The following EPB41L4B variants were observed in gnomAD, a reference collection of about 807,000 sequenced individuals.
EPB41L4B encodes the protein erythrocyte membrane protein band 4.1 like 4B.
In EPB41L4B, 30 loss-of-function variants were observed where a neutral mutation model predicts 112.5. The observed-to-expected ratio is 0.27, with a 90% CI of 0.20 to 0.36. The LOEUF (loss-of-function observed/expected upper bound fraction) is 0.36. Ranked by LOEUF, EPB41L4B falls within the 10% of genes least tolerant of loss-of-function variation. EPB41L4B has a pLI of 1.00. For missense variants in EPB41L4B, 1,024 were observed against 1,133.3 expected (o/e 0.90, Z 1.38); for synonymous variants, 408 against 439.7 (o/e 0.93, Z 0.90).
chr9:109,256,636 A>C (rs1427470328), intron 7 of EPB41L4B, among the ~76,000 whole-genome samples, 156 bp from the exon 8 acceptor site: 1 of 152,254 alleles, frequency 6.6e-6, no homozygotes, highest in East Asian at 1.9e-4. Flanking sequence ...CCTTACTGTT[A>C]ATTGACTAGA....
At chr9:109,269,836 G>A (rs536222890) in intron 2 of EPB41L4B, among the ~76,000 whole-genome samples, 4 of 152,210 alleles carry the variant, frequency 2.6e-5, no homozygotes, top group Non-Finnish European at 4.4e-5. Context: ...AACAAGGAGC[G>A]GCAGGACCCA....
intron 2 of EPB41L4B, among the ~76,000 whole-genome samples, chr9:109,272,107 C>G (rs573533214): frequency 1.5e-4 from 23 of 152,260 alleles, no homozygotes; most frequent in African/African-American, 4.3e-4. Context: ...ACCATTAAGT[C>G]TGAGTGACGA....
chr9:109,233,215 C>G (rs1460000633), intron 15 of EPB41L4B, among the ~76,000 whole-genome samples: 1 of 152,184 alleles, frequency 6.6e-6, no homozygotes, highest in Non-Finnish European at 1.5e-5. Flanking sequence ...AATTCTGCAG[C>G]CTTTCATCCA....
chr9:109,316,400 C>T (rs910854973), intron 1 of EPB41L4B, among the ~76,000 whole-genome samples: 2 of 152,214 alleles, frequency 1.3e-5, no homozygotes, highest in East Asian at 1.9e-4. Context: ...CGAGCAAAAG[C>T]GATGCCAGGG....
At chr9:109,304,705 G>GAAGCCATGGA (rs1837102762) in intron 1 of EPB41L4B, among the ~76,000 whole-genome samples, 1 of 152,148 alleles carries the variant, frequency 6.6e-6, no homozygotes, top group Non-Finnish European at 1.5e-5. Context: ...GGGTCAGAGT[G>GAAGCCATGGA]AAGCCATGGA....
intron 13 of EPB41L4B, among the ~76,000 whole-genome samples, chr9:109,249,003 G>A (rs1834665715): frequency 6.6e-6 from 1 of 150,474 alleles, no homozygotes; most frequent in African/African-American, 2.4e-5. Context: ...AGCTGGCAGT[G>A]AGCCGAGACT....
chr9:109,206,214 C>T lies in EPB41L4B; in HGVS notation c.1878+1710G>A, dbSNP rs185036545. Among the ~76,000 whole-genome samples, 308 of 152,242 alleles carry T rather than the reference C, an allele frequency of 2.0e-3. 3 individuals are homozygous for T. Among genetic ancestry groups the T allele is most frequent in the African/African-American group, 7.0e-3 (289 of 41,528 alleles). On this transcript the variant is annotated intron_variant, in intron 18 of 25. Coordinates refer to ENST00000374566, the MANE Select transcript of EPB41L4B (RefSeq NM_019114.5). The stretch of plus-strand genomic sequence containing the variant: ...GTTTATTTTTTGTGAGACGGAGTCT[C>T]GCTGTGTTGCCCAGGCTACAGTGCA...
chr9:109,304,188 T>C (rs531910844), intron 1 of EPB41L4B, among the ~76,000 whole-genome samples: 19 of 152,370 alleles, frequency 1.2e-4, no homozygotes, highest in African/African-American at 4.3e-4. Flanking sequence ...CTCAGAACTG[T>C]GTCTGGCACA....
At chr9:109,285,096 T>C (rs1400879725) in intron 1 of EPB41L4B, among the ~76,000 whole-genome samples, 1 of 152,254 alleles carries the variant, frequency 6.6e-6, no homozygotes, top group East Asian at 1.9e-4. Flanking sequence ...TCTGCCATGG[T>C]GCCCTGAATA....
intron 15 of EPB41L4B, among the ~76,000 whole-genome samples, chr9:109,236,102 T>C (rs142328109): frequency 6.6e-6 from 1 of 152,170 alleles, no homozygotes; most frequent in Non-Finnish European, 1.5e-5. Flanking sequence ...CAAACTTCCA[T>C]CTGTTTCCCA....
chr9:109,299,744 C>T (rs11792684), intron 1 of EPB41L4B, among the ~76,000 whole-genome samples: 101,441 of 152,014 alleles, frequency 0.67, 34,951 homozygotes, highest in African/African-American at 0.83. Context: ...CCTCACCCCT[C>T]GCAAAGTTCC....
chr9:109,273,596 G>A (rs1029075199), intron 2 of EPB41L4B, among the ~76,000 whole-genome samples: 2 of 152,212 alleles, frequency 1.3e-5, no homozygotes, highest in African/African-American at 2.4e-5. Flanking sequence ...CACCATGCAA[G>A]GAGGCAGAAG....
At chr9:109,297,771 T>C (rs904451626) in intron 1 of EPB41L4B, among the ~76,000 whole-genome samples, 3 of 152,256 alleles carry the variant, frequency 2.0e-5, no homozygotes, top group African/African-American at 7.2e-5. Context: ...AGGCACAGTC[T>C]TGAACCCCAA....
intron 22 of EPB41L4B, 68 bp from the exon 23 acceptor site, chr9:109,185,673 AG>A: frequency 8.2e-7 from 1 of 1,223,886 alleles, no homozygotes; most frequent in Non-Finnish European, 1.2e-6. Flanking sequence ...AAGAGGAGGT[AG>A]GGGAAGGGAA....
chr9:109,184,242 C>T (rs146545571), intron 23 of EPB41L4B, among the ~76,000 whole-genome samples: 29 of 152,280 alleles, frequency 1.9e-4, no homozygotes, highest in Admixed American at 1.4e-3. Flanking sequence ...TTTTTTGAGA[C>T]GGAGTCTCAC....
At chr9:109,279,149 T>G (rs1174864982) in intron 2 of EPB41L4B, among the ~76,000 whole-genome samples, 1 of 151,990 alleles carries the variant, frequency 6.6e-6, no homozygotes, top group Non-Finnish European at 1.5e-5. Flanking sequence ...CAGCCTCTTC[T>G]GCTGGTTAAA....
intron 18 of EPB41L4B, among the ~76,000 whole-genome samples, chr9:109,207,417 C>A (rs1477516861): frequency 6.6e-6 from 1 of 151,902 alleles, no homozygotes; most frequent in Non-Finnish European, 1.5e-5. Flanking sequence ...AAAAAAAATA[C>A]AAAAATTAGC....
chr9:109,214,461 C>T (rs1045143263), intron 16 of EPB41L4B, among the ~76,000 whole-genome samples: 7 of 152,124 alleles, frequency 4.6e-5, no homozygotes, highest in African/African-American at 1.4e-4. Context: ...ATGGGGATGA[C>T]GGACACATGT....
intron 13 of EPB41L4B, among the ~76,000 whole-genome samples, chr9:109,250,672 T>C (rs1834752044): frequency 6.6e-6 from 1 of 152,162 alleles, no homozygotes; most frequent in South Asian, 2.1e-4. Context: ...GGTCCCACCC[T>C]GAGAGACTGA....
Sources: gnomAD v4.1 joint callset for allele counts (sites outside exome capture counted in the v4.1 genomes callset) on GRCh38, gnomAD v4.1.1 for gene constraint, MANE v1.5 for transcripts, NCBI Gene and HGNC (gene_info 2026-07-23, HGNC 2026-07-21) for gene names.